Variants in ADGRV1 observed in about 807,000 individuals in gnomAD.
ADGRV1 encodes G-protein coupled receptor 98.
ADGRV1 carries 359 observed loss-of-function variants against 596.2 expected under a neutral mutation model. That is an observed-to-expected ratio of 0.60 (90% CI 0.55 to 0.66). The LOEUF is 0.66. Ranked by LOEUF, ADGRV1 falls within the 30% of genes least tolerant of loss-of-function variation. The pLI is 0.00. For missense variants in ADGRV1, 7,274 were observed against 7,575.6 expected, an observed-to-expected ratio of 0.96 and a Z score of 1.48; for synonymous variants, 2,681 against 2,679.2, an observed-to-expected ratio of 1.00 and a Z score of -0.02.
chr5:90,564,734 C>T (rs1296308353), intron 1 of ADGRV1, among the ~76,000 whole-genome samples: 1 of 68,382 alleles, frequency 1.5e-5, no homozygotes, highest in Non-Finnish European at 2.8e-5. Flanking sequence ...TCACGCCATT[C>T]TCCTGCCTCA....
rs780066997 is a variant in ADGRV1, at chr5:90,863,811, C to T, written c.17810C>T (p.Ala5937Val). 15 of 1,613,494 alleles carry T rather than the reference C, an allele frequency of 9.3e-6. No homozygotes were observed. The highest frequency in any genetic ancestry group is 1.3e-5 in the Non-Finnish European group (15 of 1,179,526). Residue 5937 changes from alanine (A) to valine (V), a missense_variant, in exon 83 of 90, where the codon GCA (alanine) becomes GTA (valine). By Grantham distance (64) the Ala-to-Val change is moderately conservative. This residue lies in a region of ADGRV1 where 1,874 missense variants were observed against 1,970.2 expected (regional missense o/e 0.95). Transcript: ENST00000405460. ...TTCTGTGCCAGGTACTCCATGTTTG[C>T]AGCTAAACTTCTGACTCACATGATG... ...HIFCARYSMF[A>V]AKLLTHMMAA...
rs1477072919 is a variant in ADGRV1 at position 90,783,818 on chromosome 5, T to C, written c.13434-20T>C. 6.5e-7 allele frequency: 1 copy of C among 1,550,102 alleles called. No homozygotes were observed. Among genetic ancestry groups the C allele is most frequent in the Admixed American group, 1.8e-5 (1 of 55,540 alleles). On this transcript the variant is annotated intron_variant, in intron 66 of 89. Coordinates refer to ENST00000405460, the MANE Select transcript of ADGRV1 (RefSeq NM_032119.4). Reference sequence around the variant, plus strand: ...TTTAATATGTTTAGACTCACAGAATTGCTCCTTCTTGCCATGCAGTGAATT... The same window carrying C: ...TTTAATATGTTTAGACTCACAGAATCGCTCCTTCTTGCCATGCAGTGAATT...
chr5:90,792,306 G>T lies in ADGRV1; in HGVS notation c.14517+960G>T, dbSNP rs549792440. Reference sequence around the variant, plus strand: ...GAGGTGTGTTATTCAGCCAGTGTCAGCTTAGTTTCATATAAACTTGTGATC... The same window carrying T: ...GAGGTGTGTTATTCAGCCAGTGTCATCTTAGTTTCATATAAACTTGTGATC... On this transcript the variant is annotated intron_variant, in intron 70 of 89. Transcript: ENST00000405460. 10 of 152,320 alleles carry T rather than the reference G, an allele frequency of 6.6e-5. No individual in the cohort carries two copies. The South Asian group carries it at 2.1e-3, about 32-fold the overall frequency. The allele number at this position is 152,320 out of a possible 1,614,324, so 9.4% of individuals were successfully genotyped here.
In ADGRV1 at chr5:90,683,664, T is replaced by C; in HGVS notation, c.5743T>C (p.Phe1915Leu). Residue 1915 changes from phenylalanine to leucine, a missense_variant, in exon 28 of 90, where the codon TTC (phenylalanine) becomes CTC (leucine). Transcript: ENST00000405460. ...IDSDPDGDLAFTSGNITFEIG... is the reference protein window; with the variant it reads ...IDSDPDGDLALTSGNITFEIG... ...CTCTGATCCTGATGGTGATCTCGCC[T>C]TCACCTCTGGCAACATCACATTTGA... is the stretch of plus-strand genomic sequence containing the variant. 2 of 1,613,670 alleles carry C rather than the reference T, an allele frequency of 1.2e-6. No individual in the cohort carries two copies. Among genetic ancestry groups the C allele is most frequent in the Non-Finnish European group, 1.7e-6 (2 of 1,179,666 alleles).
rs76246653 is a variant in ADGRV1 at position 90,789,926 on chromosome 5, A to G, written c.14043+75A>G. On this transcript the variant is annotated intron_variant, in intron 69 of 89. Transcript: ENST00000405460. Reference sequence around the variant, plus strand: ...TGGTTAAGAGGGACAGGGAAACTGCATGTTCTAGTTAATTAAAGTTTTTGA... The same window carrying G: ...TGGTTAAGAGGGACAGGGAAACTGCGTGTTCTAGTTAATTAAAGTTTTTGA... 4.0e-3 allele frequency: 4,314 copies of G among 1,069,314 alleles called. 116 individuals carry two copies. In the African/African-American group the frequency reaches 0.061, roughly 15 times the overall value. The allele number at this position is 1,069,314 out of a possible 1,614,324, so 66.2% of individuals were successfully genotyped here. A position where few individuals can be genotyped will look rare whatever the true frequency, so the allele number is the denominator to read the frequency against.
chr5:90,798,478 G>A lies in ADGRV1; in HGVS notation c.14518-4261G>A, dbSNP rs573729800. 5.8e-4 allele frequency among the ~76,000 whole-genome samples: 88 copies of A among 152,238 alleles called. 2 individuals carry two copies. The highest frequency in any genetic ancestry group is 4.6e-4 in the Admixed American group (7 of 15,296). On this transcript the variant is annotated intron_variant, in intron 70 of 89. Transcript: ENST00000405460. ...AAGTCCAGGCCAAGACGGATACACCGCCGAATTCTACCAGAGGTACAAAGA... is the reference window on the plus strand; with the variant it reads ...AAGTCCAGGCCAAGACGGATACACCACCGAATTCTACCAGAGGTACAAAGA...
At position 90,823,580 on chromosome 5, in the gene ADGRV1, A is replaced by T; in HGVS notation, c.16352A>T (p.Glu5451Val). 2 of 1,613,776 alleles carry T rather than the reference A, an allele frequency of 1.2e-6. No individual in the cohort carries two copies. Among genetic ancestry groups the T allele is most frequent in the Non-Finnish European group, 1.7e-6 (2 of 1,179,732 alleles). ...MGQTKCFISIELKPEKVPQVE... is the reference protein window; with the variant it reads ...MGQTKCFISIVLKPEKVPQVE... ...CAAACAAAATGCTTTATCAGCATTG[A>T]ACTCAAACCAGAAAAGGTAAGAAAT... Residue 5451 changes from glutamate (E) to valine (V), a missense_variant, in exon 76 of 90, where the codon GAA (glutamate) becomes GTA (valine). Physicochemically the swap from Glu to Val is moderately radical, Grantham distance 121 (BLOSUM62 -2). Transcript: ENST00000405460.
At chr5:90,629,694 T>A (rs1404781185) in intron 9 of ADGRV1, 155 bp downstream of exon 9, 1 of 585,496 alleles carries the variant, frequency 1.7e-6, no homozygotes. Context: ...AGAGAGATTA[T>A]GCCTGCTCCT....
chr5:90,960,000 A>G (rs371180205), intron 83 of ADGRV1, among the ~76,000 whole-genome samples: 330 of 152,050 alleles, frequency 2.2e-3, no homozygotes, highest in South Asian at 4.4e-3. Context: ...TTAGCTGGGC[A>G]TGGTGGCGGG....
chr5:90,910,015 C>T (rs949637675), intron 83 of ADGRV1, among the ~76,000 whole-genome samples: 5 of 152,228 alleles, frequency 3.3e-5, no homozygotes, highest in African/African-American at 7.2e-5. Flanking sequence ...GTATGAACTC[C>T]GCGTCCTGGA....
At chr5:90,845,773 T>C (rs1249817720) in intron 78 of ADGRV1, among the ~76,000 whole-genome samples, 4 of 152,220 alleles carry the variant, frequency 2.6e-5, no homozygotes, top group Non-Finnish European at 5.9e-5. Context: ...CTCTTTTATA[T>C]ATAGAATTAT....
In ADGRV1 at chr5:91,035,861, T is replaced by TATATAATA; in HGVS notation, c.18153-36586_18153-36585insATATAATA. On this transcript the variant is annotated intron_variant, in intron 85 of 89. Transcript: ENST00000405460. The stretch of plus-strand genomic sequence containing the variant: ...ATGAGTGTGTATATATATATATATA[T>TATATAATA]TATATATATATATATATATATCTTA... Among the ~76,000 whole-genome samples the TATATAATA allele has an allele frequency of 1.3e-3, 128 of 96,374 alleles. 5 individuals are homozygous for TATATAATA. Among genetic ancestry groups the TATATAATA allele is most frequent in the African/African-American group, 4.4e-3 (115 of 26,350 alleles). The allele number at this position is 96,374 out of a possible 152,430, so 63.2% of individuals were successfully genotyped here. A position where few individuals can be genotyped will look rare whatever the true frequency, so the allele number is the denominator to read the frequency against.
chr5:91,051,593 C>A (rs1256835617), intron 85 of ADGRV1, among the ~76,000 whole-genome samples: 1 of 133,962 alleles, frequency 7.5e-6, no homozygotes, highest in Non-Finnish European at 1.5e-5. Context: ...GTCGCCCAGG[C>A]TGGAGTGCAG....
At chr5:90,702,569 A>G (rs13174505) in intron 34 of ADGRV1, among the ~76,000 whole-genome samples, 1 of 151,854 alleles carries the variant, frequency 6.6e-6, no homozygotes, top group East Asian at 1.9e-4. Context: ...TATAAGAAAT[A>G]TTTGTTTAGT....
At position 90,708,873 on chromosome 5, in the gene ADGRV1, AC is replaced by A. The variant is rs796051864; in HGVS notation, c.8790del (p.Met2931TrpfsTer11). On this transcript the variant is annotated frameshift_variant, in exon 39 of 90. Coordinates refer to ENST00000405460, the MANE Select transcript of ADGRV1 (RefSeq NM_032119.4). LOFTEE classifies it high-confidence loss of function. ...FLVNLTYVGL[T>X]MAASTSFPPR... ...GGTGAATTTAACTTACGTTGGACTT[AC>A]CATGGCTGCTTCAACTTCATTTCCT... The A allele has an allele frequency of 6.2e-7, 1 of 1,612,414 alleles. No homozygotes were observed. Among genetic ancestry groups the A allele is most frequent in the Non-Finnish European group, 8.5e-7 (1 of 1,178,850 alleles).
At chr5:90,965,885 A>G (rs900408713) in intron 84 of ADGRV1, among the ~76,000 whole-genome samples, 1 of 152,186 alleles carries the variant, frequency 6.6e-6, no homozygotes, top group Admixed American at 6.5e-5. Context: ...AGATTTTAGA[A>G]AGATCTCCCT....
At chr5:90,975,745 C>T (rs1040447544) in intron 84 of ADGRV1, among the ~76,000 whole-genome samples, 4 of 151,890 alleles carry the variant, frequency 2.6e-5, no homozygotes, top group African/African-American at 2.4e-5. Context: ...GGAGATATAC[C>T]TAATGTAAAT....
At chr5:91,096,472 C>A (rs1562213493) in intron 86 of ADGRV1, among the ~76,000 whole-genome samples, 2 of 152,314 alleles carry the variant, frequency 1.3e-5, no homozygotes, top group East Asian at 3.9e-4. Context: ...TATCTACTTG[C>A]TGGTTTGTTG....
At chr5:91,015,969 C>G (rs1783138332) in intron 85 of ADGRV1, among the ~76,000 whole-genome samples, 1 of 151,918 alleles carries the variant, frequency 6.6e-6, no homozygotes, top group African/African-American at 2.4e-5. Context: ...TGTCACTGAT[C>G]TGTGTATTTA....
Sources: allele counts gnomAD v4.1 joint callset (sites outside exome capture counted in the v4.1 genomes callset), GRCh38; gene constraint gnomAD v4.1.1; regional missense constraint gnomAD v4.1.1; transcripts MANE v1.5; gene names NCBI Gene and HGNC (gene_info 2026-07-23, HGNC 2026-07-21).